Variants in ARFGEF3 observed in about 807,000 individuals in gnomAD.
ARFGEF3 encodes ARFGEF family member 3.
Under a neutral mutation model 221.7 loss-of-function variants are expected in ARFGEF3, and 96 were observed. The ratio of observed to expected loss-of-function variants is 0.43; its 90% CI spans 0.37 to 0.51. The LOEUF is 0.51. Ranked by LOEUF, ARFGEF3 falls within the 20% of genes least tolerant of loss-of-function variation. The pLI, the probability that ARFGEF3 is intolerant of heterozygous loss-of-function variation, is 0.00. For missense variants in ARFGEF3, 2,410 were observed against 2,789.9 expected (o/e 0.86, Z 3.07); for synonymous variants, 1,145 against 1,126.8 (o/e 1.02, Z -0.32).
chr6:138,342,175 CCTT>C lies in ARFGEF3; in HGVS notation c.*5690_*5692del, dbSNP rs1780440915. On this transcript the variant is annotated 3_prime_UTR_variant, in exon 34 of 34. Transcript: ENST00000251691. ...GTACACATCAGCATCACCTGGAGGGCCTTTTTTTAAAATAAGACACAGATTGCT... is the reference window on the plus strand; with the variant it reads ...GTACACATCAGCATCACCTGGAGGGCTTTTTAAAATAAGACACAGATTGCT... The C allele has an allele frequency of 6.6e-6, 1 of 152,164 alleles. No homozygotes were observed. The highest frequency in any genetic ancestry group is 2.4e-5 in the African/African-American group (1 of 41,424). 9.4% of individuals were successfully genotyped at this position (152,164 alleles called of 1,614,324 possible).
At chr6:138,184,138 A>G (rs1204050186) in intron 2 of ARFGEF3, among the ~76,000 whole-genome samples, 1 of 152,218 alleles carries the variant, frequency 6.6e-6, no homozygotes, top group Non-Finnish European at 1.5e-5. Flanking sequence ...TCTATTTACC[A>G]TATTAGAAAC....
At chr6:138,188,322 T>C in intron 2 of ARFGEF3, among the ~76,000 whole-genome samples, 1 of 152,196 alleles carries the variant, frequency 6.6e-6, no homozygotes, top group East Asian at 1.9e-4. Context: ...CCTCCGGTAA[T>C]GAGGATCTGT....
Position 138,292,042 on chromosome 6 carries a change from G to A in ARFGEF3, c.3357G>A (p.Thr1119=), listed in dbSNP as rs754805489. 1.0e-4 allele frequency: 150 copies of A among 1,450,298 alleles called. No homozygotes were observed. The highest frequency in any genetic ancestry group is 2.0e-4 in the Admixed American group (8 of 39,508). 89.8% of individuals were successfully genotyped at this position (1,450,298 alleles called of 1,614,324 possible). Residue 1119 remains threonine, a synonymous_variant, in exon 19 of 34, where the codon ACG becomes ACA. Coordinates refer to ENST00000251691, the MANE Select transcript of ARFGEF3 (RefSeq NM_020340.5). ...SAAKVVLTLS[T]QADRLFEDAT... The stretch of plus-strand genomic sequence containing the variant: ...CCAAGGTGGTGCTCACCCTCTCCAC[G>A]CAAGCCGACAGGTGCGCGGCGCCGG...
intron 2 of ARFGEF3, among the ~76,000 whole-genome samples, chr6:138,176,269 C>T (rs962361066): frequency 7.3e-5 from 11 of 151,550 alleles, no homozygotes; most frequent in African/African-American, 2.4e-4. Context: ...GCAACCTCCA[C>T]CTCCTGAGTT....
At chr6:138,267,598 A>G (rs562881814) in intron 12 of ARFGEF3, among the ~76,000 whole-genome samples, 62 of 152,336 alleles carry the variant, frequency 4.1e-4, no homozygotes, top group African/African-American at 1.3e-3. Flanking sequence ...CTCATTTCTT[A>G]TAAGAATTAA....
rs115151341 is a variant in ARFGEF3 at position 138,283,882 on chromosome 6, G to C, written c.2462-2064G>C. ...TAGCAGCCATATAGATTTCGTCCCT[G>C]TTTTGGTTCTGATAGTTGCTGAGGA... On this transcript the variant is annotated intron_variant, in intron 14 of 33. Coordinates refer to ENST00000251691, the MANE Select transcript of ARFGEF3 (RefSeq NM_020340.5). Among the ~76,000 whole-genome samples, 918 of 152,292 alleles carry C rather than the reference G, an allele frequency of 6.0e-3. 12 individuals are homozygous for C. The highest frequency in any genetic ancestry group is 0.021 in the African/African-American group (881 of 41,552).
intron 26 of ARFGEF3, among the ~76,000 whole-genome samples, chr6:138,316,634 A>G (rs1170558573): frequency 1.3e-5 from 2 of 152,162 alleles, no homozygotes; most frequent in African/African-American, 4.8e-5. Flanking sequence ...TGTGTTCTTT[A>G]AAGATAACAA....
In ARFGEF3 at chr6:138,317,315, G is replaced by A; in HGVS notation, c.4410G>A (p.Arg1470=). The change falls in exon 27 of 34, where the codon CGG becomes CGA. Residue 1470 remains arginine (R), a synonymous_variant. Transcript: ENST00000251691. ...QLTAAVSNCP[R]QHQPPTLDLL... ...CAGCGGCTGTGTCCAATTGTCCACG[G>A]CAGCACCAACCACCAACTCTGGATT... 1 of 1,613,952 alleles carries A rather than the reference G, an allele frequency of 6.2e-7. No individual in the cohort carries two copies. The highest frequency in any genetic ancestry group is 8.5e-7 in the Non-Finnish European group (1 of 1,179,860).
At chr6:138,322,970 G>C (rs903115147) in intron 29 of ARFGEF3, among the ~76,000 whole-genome samples, 2 of 151,520 alleles carry the variant, frequency 1.3e-5, no homozygotes, top group Non-Finnish European at 2.9e-5. Context: ...ATCCTCCAAG[G>C]TGGACAGGCA....
intron 18 of ARFGEF3, among the ~76,000 whole-genome samples, chr6:138,290,513 G>A (rs1779383630): frequency 6.6e-6 from 1 of 152,226 alleles, no homozygotes; most frequent in African/African-American, 2.4e-5. Flanking sequence ...GCATCAAAGT[G>A]AAAAGAAACT....
chr6:138,285,911 T>C, intron 14 of ARFGEF3, 35 bp from the exon 15 acceptor site: 1 of 1,359,124 alleles, frequency 7.4e-7, no homozygotes, highest in Non-Finnish European at 1.1e-6. Context: ...TGGAGTGTTT[T>C]ATTTAGGGAA....
At chr6:138,325,917 G>A (rs1253408186) in intron 31 of ARFGEF3, among the ~76,000 whole-genome samples, 1 of 152,154 alleles carries the variant, frequency 6.6e-6, no homozygotes, top group Middle Eastern at 3.2e-3. Context: ...GGAGTGCAGG[G>A]TGTGATCTCG....
chr6:138,286,197 TCCCAGCA>T, intron 15 of ARFGEF3, 144 bp downstream of exon 15: 1 of 604,368 alleles, frequency 1.7e-6, no homozygotes, highest in Admixed American at 2.7e-5. Flanking sequence ...ACGCCTGTAA[TCCCAGCA>T]CTTTGGGAGG....
chr6:138,323,129 A>C (rs923538348), intron 29 of ARFGEF3, among the ~76,000 whole-genome samples: 2 of 152,182 alleles, frequency 1.3e-5, no homozygotes, highest in African/African-American at 4.8e-5. Flanking sequence ...ATACAAGTCT[A>C]CGTTTAATGA....
At chr6:138,229,012 G>C (rs1195878789) in intron 4 of ARFGEF3, among the ~76,000 whole-genome samples, 2 of 152,214 alleles carry the variant, frequency 1.3e-5, no homozygotes, top group South Asian at 2.1e-4. Context: ...TTCCCTAAAG[G>C]CTCTACAAGT....
rs373882196 is a variant in ARFGEF3 at position 138,319,907 on chromosome 6, C to T, written c.4651+28C>T. On this transcript the variant is annotated intron_variant, in intron 28 of 33. Coordinates refer to ENST00000251691, the MANE Select transcript of ARFGEF3 (RefSeq NM_020340.5). The stretch of plus-strand genomic sequence containing the variant: ...ATCTGAAGTGCCAGAGCAGTTCATT[C>T]TGGGTATTTCTTTGGTAGACAGCAC... 731 of 1,603,560 alleles carry T rather than the reference C, an allele frequency of 4.6e-4. 1 individual carries two copies. Among genetic ancestry groups the T allele is most frequent in the Middle Eastern group, 2.2e-3 (12 of 5,574 alleles).
At chr6:138,245,701 GT>G in intron 8 of ARFGEF3, 110 bp downstream of exon 8, 1 of 836,796 alleles carries the variant, frequency 1.2e-6, no homozygotes, top group Non-Finnish European at 2.0e-6. Flanking sequence ...AGGGACAATA[GT>G]TTCCCCCCTC....
At chr6:138,206,513 G>A (rs1777627333) in intron 2 of ARFGEF3, among the ~76,000 whole-genome samples, 1 of 152,130 alleles carries the variant, frequency 6.6e-6, no homozygotes. Context: ...TAAAGCAAAT[G>A]TTAAATTTAT....
At chr6:138,281,204 G>A (rs1056995849) in intron 14 of ARFGEF3, among the ~76,000 whole-genome samples, 5 of 152,180 alleles carry the variant, frequency 3.3e-5, no homozygotes, top group Non-Finnish European at 7.3e-5. Flanking sequence ...CTGGGCAGAT[G>A]TCCTCACAGG....
Sources: allele counts gnomAD v4.1 joint callset (sites outside exome capture counted in the v4.1 genomes callset), GRCh38; gene constraint gnomAD v4.1.1; transcripts MANE v1.5; gene names NCBI Gene and HGNC (gene_info 2026-07-23, HGNC 2026-07-21).